The following SYNDIG1 variants were observed in gnomAD, a reference collection of about 807,000 sequenced individuals.
The protein encoded by SYNDIG1 is synapse differentiation inducing 1.
Under a neutral mutation model 19.4 loss-of-function variants are expected in SYNDIG1, and 9 were observed. The observed-to-expected ratio is 0.46, with a 90% confidence interval of 0.28 to 0.81. The LOEUF (loss-of-function observed/expected upper bound fraction) is 0.81. Ranked by LOEUF, SYNDIG1 falls within the 30% of genes least tolerant of loss-of-function variation. SYNDIG1 has a pLI of 0.12. For synonymous variants in SYNDIG1, 141 were observed against 145.9 expected (o/e 0.97, Z 0.24); for missense variants, 311 against 343.3 (o/e 0.91, Z 0.74).
intron 2 of SYNDIG1, among the ~76,000 whole-genome samples, chr20:24,544,052 G>C (rs1263478231): frequency 6.6e-6 from 1 of 152,208 alleles, no homozygotes; most frequent in Non-Finnish European, 1.5e-5. Context: ...TGATAGAGCT[G>C]AACCGTGCTG....
chr20:24,605,218 C>T (rs1568678859), intron 3 of SYNDIG1, among the ~76,000 whole-genome samples: 1 of 152,194 alleles, frequency 6.6e-6, no homozygotes, highest in Non-Finnish European at 1.5e-5. Context: ...CCACATCTAC[C>T]TCCCTGGGTG....
chr20:24,518,739 C>A (rs1450751645), intron 1 of SYNDIG1, among the ~76,000 whole-genome samples: 1 of 152,190 alleles, frequency 6.6e-6, no homozygotes, highest in Non-Finnish European at 1.5e-5. Context: ...GACGTATCTC[C>A]ATATTCACCA....
chr20:24,482,506 T>C lies in SYNDIG1; in HGVS notation c.-79+12753T>C, dbSNP rs372957587. Among the ~76,000 whole-genome samples the C allele has an allele frequency of 9.9e-5, 15 of 152,182 alleles. No homozygotes were observed. In the East Asian group the frequency reaches 2.9e-3, roughly 29 times the overall value. On this transcript the variant is annotated intron_variant, in intron 1 of 3. Transcript: ENST00000376862. The stretch of plus-strand genomic sequence containing the variant: ...GCAGCCTTTGGGATCACTGGGGAGG[T>C]TGAATCTCTTGTCTTGAAAGTTTCA...
chr20:24,665,265 A>G, intron 3 of SYNDIG1, 81 bp from the exon 4 acceptor site: 3 of 1,498,078 alleles, frequency 2.0e-6, no homozygotes, highest in African/African-American at 2.8e-5. Context: ...TTTCTGAATC[A>G]GGAGCCGTAG....
At chr20:24,502,930 T>A (rs1178341497) in intron 1 of SYNDIG1, among the ~76,000 whole-genome samples, 2 of 152,250 alleles carry the variant, frequency 1.3e-5, no homozygotes, top group African/African-American at 4.8e-5. Flanking sequence ...TTAATTCTGC[T>A]TTAAACTCTG....
intron 1 of SYNDIG1, among the ~76,000 whole-genome samples, chr20:24,531,772 C>T (rs527471953): frequency 2.6e-5 from 4 of 152,350 alleles, no homozygotes; most frequent in African/African-American, 7.2e-5. Context: ...ATGTGTGCTA[C>T]GTGCAGGTGG....
intron 1 of SYNDIG1, among the ~76,000 whole-genome samples, chr20:24,519,524 T>G (rs1280315532): frequency 6.6e-6 from 1 of 152,206 alleles, no homozygotes; most frequent in Non-Finnish European, 1.5e-5. Context: ...CTGGCCATGT[T>G]GTCACTTCTG....
intron 1 of SYNDIG1, among the ~76,000 whole-genome samples, chr20:24,530,811 G>T (rs201797743): frequency 0.052 from 7,364 of 141,476 alleles, 570 homozygotes; most frequent in African/African-American, 0.17. Flanking sequence ...TGGGTTTTTT[G>T]TTTTTTTTTT....
At chr20:24,552,267 C>T (rs181450539) in intron 2 of SYNDIG1, among the ~76,000 whole-genome samples, 21 of 152,198 alleles carry the variant, frequency 1.4e-4, no homozygotes, top group African/African-American at 4.8e-4. Flanking sequence ...ACACAGAAAG[C>T]CAATCACTGA....
chr20:24,634,389 T>C (rs1260946555), intron 3 of SYNDIG1, among the ~76,000 whole-genome samples: 2 of 152,232 alleles, frequency 1.3e-5, no homozygotes, highest in Non-Finnish European at 2.9e-5. Context: ...TTTGCAAATA[T>C]AGGATATCCA....
intron 3 of SYNDIG1, among the ~76,000 whole-genome samples, chr20:24,654,467 T>G (rs1390011468): frequency 6.6e-6 from 1 of 151,772 alleles, no homozygotes; most frequent in African/African-American, 2.4e-5. Context: ...AAAAGGAAAT[T>G]AAGGAATATG....
chr20:24,614,791 GC>G (rs2058904079), intron 3 of SYNDIG1, among the ~76,000 whole-genome samples: 1 of 152,122 alleles, frequency 6.6e-6, no homozygotes, highest in African/African-American at 2.4e-5. Flanking sequence ...GTCCTGCTTC[GC>G]CTATTTAAAT....
intron 3 of SYNDIG1, among the ~76,000 whole-genome samples, chr20:24,592,878 G>A (rs973998655): frequency 6.6e-6 from 1 of 152,186 alleles, no homozygotes; most frequent in African/African-American, 2.4e-5. Context: ...CTTCCAAAGT[G>A]CTGGGATTAC....
At chr20:24,613,203 C>T (rs1052962986) in intron 3 of SYNDIG1, among the ~76,000 whole-genome samples, 1 of 152,198 alleles carries the variant, frequency 6.6e-6, no homozygotes, top group African/African-American at 2.4e-5. Flanking sequence ...GACGGCCATT[C>T]CCAGCTATGT....
intron 3 of SYNDIG1, among the ~76,000 whole-genome samples, chr20:24,618,227 G>C (rs1036387358): frequency 6.9e-5 from 10 of 145,954 alleles, no homozygotes; most frequent in African/African-American, 2.5e-4. Flanking sequence ...GGAAGGGAGA[G>C]AGCCCGGGGA....
intron 2 of SYNDIG1, among the ~76,000 whole-genome samples, chr20:24,546,786 T>C (rs990454573): frequency 6.7e-6 from 1 of 149,726 alleles, no homozygotes; most frequent in African/African-American, 2.5e-5. Context: ...TTTGGCATCA[T>C]TTTTTTTTTC....
intron 2 of SYNDIG1, among the ~76,000 whole-genome samples, chr20:24,578,263 T>C (rs1221157895): frequency 6.6e-6 from 1 of 151,804 alleles, no homozygotes; most frequent in African/African-American, 2.4e-5. Context: ...GCTAACATGG[T>C]GAAACCCCAT....
At chr20:24,548,870 A>T (rs983757400) in intron 2 of SYNDIG1, among the ~76,000 whole-genome samples, 1 of 152,056 alleles carries the variant, frequency 6.6e-6, no homozygotes, top group African/African-American at 2.4e-5. Context: ...CAGGTATAGG[A>T]AGTTCCCTTT....
At chr20:24,640,887 A>T (rs1055299657) in intron 3 of SYNDIG1, among the ~76,000 whole-genome samples, 1 of 152,236 alleles carries the variant, frequency 6.6e-6, no homozygotes, top group Non-Finnish European at 1.5e-5. Context: ...TGGAGGGCGC[A>T]TGGGCAGGTG....
Sources: gnomAD v4.1 joint callset for allele counts (sites outside exome capture counted in the v4.1 genomes callset) on GRCh38, gnomAD v4.1.1 for gene constraint, MANE v1.5 for transcripts, NCBI Gene and HGNC (gene_info 2026-07-23, HGNC 2026-07-21) for gene names.